SFSWAP: variants seen among roughly 807,000 people sequenced by gnomAD.
The protein encoded by SFSWAP is splicing factor, suppressor of white-apricot homolog.
In SFSWAP, 17 loss-of-function variants were observed where a neutral mutation model predicts 100.7. That is an observed-to-expected ratio of 0.17 (90% CI 0.12 to 0.25). The LOEUF (loss-of-function observed/expected upper bound fraction) is 0.25, where lower values mean the gene tolerates loss of function less well. Among genes scored for constraint, SFSWAP ranks in the 10% least tolerant of loss-of-function variants. The pLI is 1.00. For synonymous variants in SFSWAP, 504 were observed against 510.1 expected (o/e 0.99, Z 0.16); for missense variants, 1,005 against 1,262.6 (o/e 0.80, Z 3.09).
At chr12:131,780,882 T>A (rs2136261867) in intron 14 of SFSWAP, among the ~76,000 whole-genome samples, 1 of 152,302 alleles carries the variant, frequency 6.6e-6, no homozygotes, top group East Asian at 1.9e-4. Flanking sequence ...TCATGGTGTT[T>A]CTTTAGCGTA....
intron 7 of SFSWAP, among the ~76,000 whole-genome samples, chr12:131,737,539 A>G (rs1244452695): frequency 2.0e-5 from 3 of 152,106 alleles, no homozygotes; most frequent in Non-Finnish European, 4.4e-5. Context: ...ATTTTGTTTC[A>G]TCAGCTCAGT....
At chr12:131,753,466 C>T (rs1881860848) in intron 8 of SFSWAP, 103 bp downstream of exon 8, 9 of 1,406,190 alleles carry the variant, frequency 6.4e-6, no homozygotes, top group Non-Finnish European at 7.6e-6. Context: ...AGATCATATA[C>T]AGGGGTCCCC....
intron 13 of SFSWAP, among the ~76,000 whole-genome samples, chr12:131,769,534 G>A (rs1025272499): frequency 9.9e-5 from 15 of 152,142 alleles, no homozygotes; most frequent in East Asian, 3.8e-4. Flanking sequence ...CTGTAGTTCC[G>A]CATCACAGCA....
At chr12:131,727,289 T>TA (rs1879071403) in intron 6 of SFSWAP, among the ~76,000 whole-genome samples, 3 of 152,268 alleles carry the variant, frequency 2.0e-5, no homozygotes, top group African/African-American at 7.2e-5. Context: ...TTTTACCATT[T>TA]TATTACAATT....
intron 14 of SFSWAP, among the ~76,000 whole-genome samples, chr12:131,781,240 T>TA (rs869230859): frequency 9.8e-4 from 72 of 73,296 alleles, no homozygotes; most frequent in Non-Finnish European, 1.2e-3. Context: ...TATTATTTTT[T>TA]TTTTTTTTTT....
At chr12:131,747,103 CAAAAAAA>C (rs398021689) in intron 7 of SFSWAP, among the ~76,000 whole-genome samples, 2 of 96,894 alleles carry the variant, frequency 2.1e-5, no homozygotes, top group African/African-American at 4.1e-5. Flanking sequence ...GACTCTGTCT[CAAAAAAA>C]AAAAAAAAAG....
chr12:131,764,311 C>T (rs1409476594), intron 11 of SFSWAP, 145 bp from the exon 12 acceptor site: 45 of 655,958 alleles, frequency 6.9e-5, no homozygotes, highest in Non-Finnish European at 1.0e-4. Flanking sequence ...TCTGACGGCA[C>T]GGCGTCCCCC....
Position 131,770,509 on chromosome 12 carries a change from A to G in SFSWAP, c.2142+4201A>G, listed in dbSNP as rs1593171132. Among the ~76,000 whole-genome samples, 5 of 152,370 alleles carry G rather than the reference A, an allele frequency of 3.3e-5. No individual in the cohort carries two copies. The Middle Eastern group carries it at 0.017, about 518-fold the overall frequency. ...AGTGCAGCTTATGTGCCTGAAGGAC[A>G]GTCACTTCTCTGTCTTTACTTTCTA... On this transcript the variant is annotated intron_variant, in intron 13 of 17. Coordinates refer to ENST00000261674, the MANE Select transcript of SFSWAP (RefSeq NM_004592.4).
At chr12:131,726,302 C>G (rs929177048) in intron 5 of SFSWAP, among the ~76,000 whole-genome samples, 2 of 152,106 alleles carry the variant, frequency 1.3e-5, no homozygotes, top group Non-Finnish European at 1.5e-5. Context: ...CTCCGCCTCC[C>G]GGGTTCAAGC....
At chr12:131,777,997 T>A in intron 13 of SFSWAP, 68 bp from the exon 14 acceptor site, 5 of 1,549,590 alleles carry the variant, frequency 3.2e-6, no homozygotes, top group Non-Finnish European at 4.3e-6. Context: ...AAAGTTGAAA[T>A]TTTATAGATA....
At position 131,711,551 on chromosome 12, in the gene SFSWAP, G is replaced by T; in HGVS notation, c.218+104G>T. 2.0e-6 allele frequency: 2 copies of T among 977,130 alleles called. No individual in the cohort carries two copies. The highest frequency in any genetic ancestry group is 3.1e-6 in the Non-Finnish European group (2 of 648,594). 60.5% of individuals were successfully genotyped at this position (977,130 alleles called of 1,614,324 possible). Reference sequence around the variant, plus strand: ...GACTGCAGAGAGTTTTCTGGAGCCAGCGGGGATCTGGGGGACACCCCCTCC... The same window carrying T: ...GACTGCAGAGAGTTTTCTGGAGCCATCGGGGATCTGGGGGACACCCCCTCC... On this transcript the variant is annotated intron_variant, in intron 1 of 17. Transcript: ENST00000261674. The surrounding 1 kb of genome is among the most constrained non-coding windows in gnomAD (Gnocchi z 4.9).
chr12:131,799,216 A>G, intron 17 of SFSWAP, 107 bp downstream of exon 17: 1 of 1,100,850 alleles, frequency 9.1e-7, no homozygotes, highest in Non-Finnish European at 1.4e-6. Flanking sequence ...GTCATGGGAC[A>G]GGGATCTCGG....
chr12:131,778,636 G>C lies in SFSWAP; in HGVS notation c.2408+306G>C, dbSNP rs1034647749. On this transcript the variant is annotated intron_variant, in intron 14 of 17. Coordinates refer to ENST00000261674, the MANE Select transcript of SFSWAP (RefSeq NM_004592.4). The surrounding 1 kb of genome is among the most constrained non-coding windows in gnomAD (Gnocchi z 4.2). ...AGGTTCAAGTGATTCTCCTGCCTCAGCCTCCTGAGTAGCTGGGATTACAGG... is the reference window on the plus strand; with the variant it reads ...AGGTTCAAGTGATTCTCCTGCCTCACCCTCCTGAGTAGCTGGGATTACAGG... Among the ~76,000 whole-genome samples the C allele has an allele frequency of 5.9e-5, 9 of 152,132 alleles. No individual in the cohort carries two copies. The highest frequency in any genetic ancestry group is 2.2e-4 in the African/African-American group (9 of 41,428).
At chr12:131,762,395 A>T (rs541035705) in intron 11 of SFSWAP, among the ~76,000 whole-genome samples, 1 of 152,348 alleles carries the variant, frequency 6.6e-6, no homozygotes, top group African/African-American at 2.4e-5. Flanking sequence ...TGGGCAACAC[A>T]GTGAAACCCT....
chr12:131,780,207 G>A (rs1032264354), intron 14 of SFSWAP, among the ~76,000 whole-genome samples: 2 of 152,174 alleles, frequency 1.3e-5, no homozygotes, highest in Non-Finnish European at 2.9e-5. Flanking sequence ...ACATTTTTGC[G>A]AGTGTTTTAA....
At chr12:131,791,843 A>C (rs1477571407) in intron 15 of SFSWAP, among the ~76,000 whole-genome samples, 1 of 152,274 alleles carries the variant, frequency 6.6e-6, no homozygotes, top group Non-Finnish European at 1.5e-5. Context: ...CTCATACCTA[A>C]GCCAGATAAG....
chr12:131,755,068 A>T (rs1882032153), intron 9 of SFSWAP, among the ~76,000 whole-genome samples: 1 of 152,226 alleles, frequency 6.6e-6, no homozygotes, highest in Non-Finnish European at 1.5e-5. Context: ...ATAAAAGCCT[A>T]TAATTCATGG....
intron 11 of SFSWAP, chr12:131,756,852 C>T (rs1044319173): frequency 1.2e-5 from 7 of 560,480 alleles, no homozygotes; most frequent in Non-Finnish European, 2.2e-5. Flanking sequence ...TGTGAGCAGC[C>T]CTTAGGTATG....
chr12:131,758,752 G>C (rs1048833135), intron 11 of SFSWAP, among the ~76,000 whole-genome samples: 5 of 152,192 alleles, frequency 3.3e-5, no homozygotes, highest in Non-Finnish European at 1.5e-5. Context: ...TTCGAGACCA[G>C]CCTGGGCAAA....
Sources: gnomAD v4.1 joint callset for allele counts (sites outside exome capture counted in the v4.1 genomes callset) on GRCh38, gnomAD v4.1.1 for gene constraint, Gnocchi (gnomAD v3.1) non-coding constraint, MANE v1.5 for transcripts, NCBI Gene and HGNC (gene_info 2026-07-23, HGNC 2026-07-21) for gene names.